Variants in ATG9B observed in about 807,000 individuals in gnomAD.
ATG9B encodes the protein autophagy-related protein 9B.
Under a neutral mutation model 92.9 loss-of-function variants are expected in ATG9B, and 92 were observed. The observed-to-expected ratio is 0.99, with a 90% CI of 0.84 to 1.18. The LOEUF is 1.18. Among genes scored for constraint, ATG9B ranks in the 50% most tolerant of loss-of-function variants. The pLI is 0.00. For synonymous variants in ATG9B, 599 were observed against 551.4 expected, an observed-to-expected ratio of 1.09 and a Z score of -1.21; for missense variants, 1,344 against 1,235.0, an observed-to-expected ratio of 1.09 and a Z score of -1.32.
chr7:151,013,532 G>T, downstream of ATG9B: 1 of 1,140,334 alleles, frequency 8.8e-7, no homozygotes, highest in South Asian at 1.6e-5. Context: ...TTGTGCCCCG[G>T]CCCCTCTAGG....
At chr7:151,014,366 C>T (rs1795394102), downstream of ATG9B, 1 of 597,352 alleles carries the variant, frequency 1.7e-6, no homozygotes, top group Non-Finnish European at 2.8e-6. Flanking sequence ...TGCCTCGGGC[C>T]TGGGTCCGCC....
In ATG9B at chr7:151,023,029, C is replaced by A. The variant is rs754019419; in HGVS notation, c.821+16G>T. On this transcript the variant is annotated intron_variant, in intron 4 of 13. Transcript: ENST00000639579. Reference sequence around the variant, plus strand: ...CCCATGCTTCACCCCCAGGGCCCCACCAGGTTGTCACTAACCTCTCAGCAC... The same window carrying A: ...CCCATGCTTCACCCCCAGGGCCCCAACAGGTTGTCACTAACCTCTCAGCAC... 1.2e-6 allele frequency: 2 copies of A among 1,614,022 alleles called. No individual in the cohort carries two copies. Among genetic ancestry groups the A allele is most frequent in the African/African-American group, 1.3e-5 (1 of 75,000 alleles).
At chr7:151,023,275 A>C (rs1374016142) in intron 3 of ATG9B, 69 bp from the exon 4 acceptor site, 9 of 1,608,138 alleles carry the variant, frequency 5.6e-6, no homozygotes, top group Non-Finnish European at 6.8e-6. Context: ...CTCCTGCCCC[A>C]GCCCCCAGAG....
Position 151,019,000 on chromosome 7 carries a change from G to A in ATG9B, c.1338C>T (p.Asn446=). 1 of 1,571,006 alleles carries A rather than the reference G, an allele frequency of 6.4e-7. No individual in the cohort carries two copies. Among genetic ancestry groups the A allele is most frequent in the African/African-American group, 1.4e-5 (1 of 73,422 alleles). The change falls in exon 6 of 14, where the codon AAC becomes AAT. Residue 446 remains asparagine, a synonymous_variant. Transcript: ENST00000639579. This position sits in a 1 kb window ranked among gnomAD's most constrained non-coding sequence, Gnocchi z 4.7. ...CCAGCACCAGCGGGCTCAGCGCCAG[G>A]TTCAGGGCGGCCAGCAGCAGCACTG... is the stretch of plus-strand genomic sequence containing the variant. ...GRTVLLLAAL[N]LALSPLVLAW... is the part of the protein sequence containing the mutation.
At chr7:151,013,117 G>A, downstream of ATG9B, 1 of 1,120,374 alleles carries the variant, frequency 8.9e-7, no homozygotes. Flanking sequence ...CAAAGTAATG[G>A]TGGTTTCAGC....
rs999746702 is a variant in ATG9B, at chr7:151,018,200, GCCCTCTCCCAGACAGA to G, written c.1872+78_1872+93del. On this transcript the variant is annotated intron_variant, in intron 7 of 13. Transcript: ENST00000639579. This position sits in a 1 kb window ranked among gnomAD's most constrained non-coding sequence, Gnocchi z 4.7. ...TCCTGGTATAGTCCGTTTGTCTCATGCCCTCTCCCAGACAGACCCTCCGCGCAGACAGACCCTCCGC... is the reference window on the plus strand; with the variant it reads ...TCCTGGTATAGTCCGTTTGTCTCATGCCCTCCGCGCAGACAGACCCTCCGC... 6 of 1,481,470 alleles carry G rather than the reference GCCCTCTCCCAGACAGA, an allele frequency of 4.1e-6. No individual in the cohort carries two copies. Among genetic ancestry groups the G allele is most frequent in the Non-Finnish European group, 4.5e-6 (5 of 1,122,758 alleles). 91.8% of individuals were successfully genotyped at this position (1,481,470 alleles called of 1,614,324 possible).
chr7:151,016,934 G>T (rs2117155165), intron 9 of ATG9B, 102 bp downstream of exon 9: 1 of 1,499,964 alleles, frequency 6.7e-7, no homozygotes, highest in Non-Finnish European at 9.0e-7. Context: ...GGGGGCGGGG[G>T]CTGGTGAGGC....
Position 151,021,199 on chromosome 7 carries a change from G to A in ATG9B, c.952C>T (p.His318Tyr). Residue 318 changes from histidine to tyrosine, a missense_variant, in exon 5 of 14, where the codon CAC (histidine) becomes TAC (tyrosine). Physicochemically the swap from His to Tyr is moderately conservative, Grantham distance 83 (BLOSUM62 2). Coordinates refer to ENST00000639579, the MANE Select transcript of ATG9B (RefSeq NM_001317056.2). ...GCCACCCAGCTCACCGGGGGGATGT[G>A]CAGGGCCTCCCTGTAAAACACCTGG... Reference protein sequence around the residue: ...DIQVFYREALHIPPEELSSVP... With the variant: ...DIQVFYREALYIPPEELSSVP... 6.2e-7 allele frequency: 1 copy of A among 1,613,416 alleles called. No individual in the cohort carries two copies. Among genetic ancestry groups the A allele is most frequent in the Non-Finnish European group, 8.5e-7 (1 of 1,179,888 alleles).
At chr7:151,013,642 C>CGTCCAGGGCCAGCCAGCA, downstream of ATG9B, 2 of 1,321,616 alleles carry the variant, frequency 1.5e-6, no homozygotes, top group Non-Finnish European at 2.0e-6. Context: ...GAGACTTTCA[C>CGTCCAGGGCCAGCCAGCA]GTCCAGGGCC....
chr7:151,016,456 C>G lies in ATG9B; in HGVS notation c.2495G>C (p.Ser832Thr). 6.4e-7 allele frequency: 1 copy of G among 1,551,530 alleles called. No individual in the cohort carries two copies. Among genetic ancestry groups the G allele is most frequent in the African/African-American group, 1.4e-5 (1 of 73,162 alleles). ...CTGGTGCAGGTAGATGACATGGAGA[C>G]TCATCTCGGCAGAAGCAAGTTCTGG... ...QLPELASAEM[S>T]LHVIYLHQLH... is the part of the protein sequence containing the mutation. Residue 832 changes from serine (S) to threonine (T), a missense_variant, in exon 11 of 14, where the codon AGT becomes ACT. Physicochemically the swap from Ser to Thr is moderately conservative, Grantham distance 58 (BLOSUM62 1). Coordinates refer to ENST00000639579, the MANE Select transcript of ATG9B (RefSeq NM_001317056.2).
intron 5 of ATG9B, chr7:151,019,729 A>C: frequency 3.1e-5 from 7 of 224,592 alleles, no homozygotes; most frequent in East Asian, 8.7e-5. Context: ...TACACACAAA[A>C]CAGACTGGCT....
rs867405677 is a variant in ATG9B at position 151,018,930 on chromosome 7, G to A, written c.1408C>T (p.Arg470Trp). Residue 470 changes from arginine (R) to tryptophan (W), a missense_variant, in exon 6 of 14, where the codon CGG becomes TGG. Physicochemically the swap from Arg to Trp is moderately radical, Grantham distance 101. Transcript: ENST00000639579. The surrounding 1 kb of genome is among the most constrained non-coding windows in gnomAD (Gnocchi z 4.7). The part of the protein sequence containing the change: ...HVFYSHVELL[R>W]REPGALGARG... Reference sequence around the variant, plus strand: ...GCCCCCAGCGCGCCAGGCTCGCGCCGCAGCAGCTCCACGTGGCTATAGAAG... The same window carrying A: ...GCCCCCAGCGCGCCAGGCTCGCGCCACAGCAGCTCCACGTGGCTATAGAAG... 2.6e-6 allele frequency: 4 copies of A among 1,534,412 alleles called. No individual in the cohort carries two copies. Among genetic ancestry groups the A allele is most frequent in the South Asian group, 2.4e-5 (2 of 82,628 alleles).
Position 151,018,386 on chromosome 7 carries a change from G to C in ATG9B, c.1780C>G (p.Leu594Val). 6.3e-7 allele frequency: 1 copy of C among 1,586,346 alleles called. No individual in the cohort carries two copies. Reference protein sequence around the residue: ...RAPQLLLQTALAHMHYLPEEP... With the variant: ...RAPQLLLQTAVAHMHYLPEEP... ...TCCGGGAGGTAGTGCATGTGGGCCA[G>C]GGCTGTCTGCAGCAGGAGCTGCGGC... The change falls in exon 7 of 14, where the codon CTG (leucine) becomes GTG (valine). Residue 594 changes from leucine (L) to valine (V), a missense_variant. Coordinates refer to ENST00000639579, the MANE Select transcript of ATG9B (RefSeq NM_001317056.2). The surrounding 1 kb of genome is among the most constrained non-coding windows in gnomAD (Gnocchi z 4.7).
Position 151,024,460 on chromosome 7 carries a change from G to A in ATG9B, c.-37C>T. ...TTCTCCAGAAAGGTTGGAAGGATGG[G>A]AGCTGTTGTTGCTTCCACAAAGGTC... is the stretch of plus-strand genomic sequence containing the variant. On this transcript the variant is annotated 5_prime_UTR_variant, in exon 1 of 14. Coordinates refer to ENST00000639579, the MANE Select transcript of ATG9B (RefSeq NM_001317056.2). 7.7e-7 allele frequency: 1 copy of A among 1,299,150 alleles called. No individual in the cohort carries two copies. The highest frequency in any genetic ancestry group is 9.8e-7 in the Non-Finnish European group (1 of 1,015,504). The allele number at this position is 1,299,150 out of a possible 1,614,324, so 80.5% of individuals were successfully genotyped here. A position where few individuals can be genotyped will look rare whatever the true frequency, so the allele number is the denominator to read the frequency against.
chr7:151,012,935 G>A, downstream of ATG9B: 1 of 452,514 alleles, frequency 2.2e-6, no homozygotes. Context: ...CGGGGAAGGG[G>A]ACTGCGATGT....
At chr7:151,020,947 A>G (rs1795722747) in intron 5 of ATG9B, 1 of 453,422 alleles carries the variant, frequency 2.2e-6, no homozygotes, top group African/African-American at 2.0e-5. Context: ...ACATGTAACT[A>G]TATGTCATCT....
chr7:151,024,431 CG>C lies in ATG9B; in HGVS notation c.-9del, dbSNP rs1224828719. 3.7e-6 allele frequency: 5 copies of C among 1,338,778 alleles called. No homozygotes were observed. The highest frequency in any genetic ancestry group is 4.8e-6 in the Non-Finnish European group (5 of 1,039,796). 82.9% of individuals were successfully genotyped at this position (1,338,778 alleles called of 1,614,324 possible). On this transcript the variant is annotated 5_prime_UTR_variant, in exon 1 of 14. Coordinates refer to ENST00000639579, the MANE Select transcript of ATG9B (RefSeq NM_001317056.2). ...GCCCATTCGGCTCACCATCAGGCCA[CG>C]GCTTCTCCAGAAAGGTTGGAAGGAT... is the stretch of plus-strand genomic sequence containing the variant.
In ATG9B at chr7:151,023,501, G is replaced by C; in HGVS notation, c.603C>G (p.Ser201Arg). The C allele has an allele frequency of 6.2e-7, 1 of 1,612,802 alleles. No individual in the cohort carries two copies. The highest frequency in any genetic ancestry group is 8.5e-7 in the Non-Finnish European group (1 of 1,179,414). The part of the protein sequence containing the change: ...NLDSFFTKIY[S>R]YHQRNGFACI... The stretch of plus-strand genomic sequence containing the variant: ...AGGCAAAGCCATTCCGCTGGTGGTA[G>C]CTGTAGATGTGGCTGCGTGTCAAGG... The change falls in exon 3 of 14, where the codon AGC (serine) becomes AGG (arginine). Residue 201 changes from serine (S) to arginine (R), a missense_variant. By Grantham distance (110) the Ser-to-Arg change is moderately radical. Transcript: ENST00000639579.
chr7:151,023,584 G>A, intron 2 of ATG9B, 75 bp from the exon 3 acceptor site: 3 of 1,610,390 alleles, frequency 1.9e-6, no homozygotes, highest in Non-Finnish European at 2.5e-6. Context: ...GCCCCAACAA[G>A]TCTCCCACCC....
Sources: gnomAD v4.1 joint callset for allele counts on GRCh38, gnomAD v4.1.1 for gene constraint, Gnocchi (gnomAD v3.1) non-coding constraint, MANE v1.5 for transcripts, NCBI Gene and HGNC (gene_info 2026-07-23, HGNC 2026-07-21) for gene names.